Variants in ABRAXAS2 observed in about 807,000 individuals in gnomAD.
ABRAXAS2 encodes abraxas 2, BRISC complex subunit.
In ABRAXAS2, 23 loss-of-function variants were observed where a neutral mutation model predicts 49.0. That is an observed-to-expected ratio of 0.47 (90% CI 0.34 to 0.66). The LOEUF is 0.66. Among genes scored for constraint, ABRAXAS2 ranks in the 30% least tolerant of loss-of-function variants. The pLI is 0.01. For synonymous variants in ABRAXAS2, 168 were observed against 180.2 expected (o/e 0.93, Z 0.54); for missense variants, 443 against 511.9 (o/e 0.87, Z 1.30).
At position 124,831,840 on chromosome 10, in the gene ABRAXAS2, G is replaced by GTATTT. The variant is rs1564925948; in HGVS notation, c.778+378_778+379insATTTT. On this transcript the variant is annotated intron_variant, in intron 8 of 8. Transcript: ENST00000298492. ...GTCCAGCAGGTAGGCACTGTGTCCTGTCTTTTTTTTTTTTTTTTTTTTTTT... is the reference window on the plus strand; with the variant it reads ...GTCCAGCAGGTAGGCACTGTGTCCTGTATTTTCTTTTTTTTTTTTTTTTTTTTTTT... 4.7e-5 allele frequency among the ~76,000 whole-genome samples: 5 copies of GTATTT among 106,208 alleles called. 1 individual carries two copies. Among genetic ancestry groups the GTATTT allele is most frequent in the Non-Finnish European group, 5.5e-5 (3 of 54,864 alleles). The allele number at this position is 106,208 out of a possible 152,430, so 69.7% of individuals were successfully genotyped here. A position where few individuals can be genotyped will look rare whatever the true frequency, so the allele number is the denominator to read the frequency against.
chr10:124,815,160 C>T (rs987828709), intron 2 of ABRAXAS2: 3 of 151,800 alleles, frequency 2.0e-5, no homozygotes, highest in African/African-American at 7.3e-5. Flanking sequence ...ACAGAAGCTA[C>T]TGGGCCTAGT....
intron 2 of ABRAXAS2, among the ~76,000 whole-genome samples, chr10:124,807,749 A>G (rs1164088185): frequency 6.6e-6 from 1 of 152,180 alleles, no homozygotes; most frequent in Non-Finnish European, 1.5e-5. Flanking sequence ...TTACCCACCA[A>G]TGGGGGTGAC....
At chr10:124,807,471 G>A (rs1950753653) in intron 2 of ABRAXAS2, among the ~76,000 whole-genome samples, 3 of 149,564 alleles carry the variant, frequency 2.0e-5, no homozygotes, top group South Asian at 4.3e-4. Flanking sequence ...TGGCCCACAT[G>A]GTGAAACCCC....
chr10:124,827,325 AT>A (rs1447025646), intron 5 of ABRAXAS2, among the ~76,000 whole-genome samples: 2 of 151,458 alleles, frequency 1.3e-5, no homozygotes, highest in African/African-American at 4.8e-5. Flanking sequence ...ATGCTGGCTA[AT>A]TTTTTTGTAT....
chr10:124,820,543 G>A (rs558550798), intron 4 of ABRAXAS2, among the ~76,000 whole-genome samples: 3 of 151,818 alleles, frequency 2.0e-5, no homozygotes, highest in Non-Finnish European at 2.9e-5. Flanking sequence ...GTGCAGTGGC[G>A]CGATCTCGGC....
chr10:124,828,947 G>A, intron 6 of ABRAXAS2, 72 bp downstream of exon 6: 1 of 1,513,902 alleles, frequency 6.6e-7, no homozygotes, highest in East Asian at 2.3e-5. Flanking sequence ...CATTTAAAAG[G>A]TGTATGGAAA....
At chr10:124,820,615 G>A (rs1423727356) in intron 4 of ABRAXAS2, among the ~76,000 whole-genome samples, 1 of 151,910 alleles carries the variant, frequency 6.6e-6, no homozygotes, top group Non-Finnish European at 1.5e-5. Context: ...CTGAGTAGCT[G>A]GGACTACAGG....
chr10:124,810,805 T>C (rs1950781943), intron 2 of ABRAXAS2, among the ~76,000 whole-genome samples: 2 of 151,430 alleles, frequency 1.3e-5, no homozygotes, highest in South Asian at 4.2e-4. Context: ...ATGGTCTCGA[T>C]CTCTTGACCT....
chr10:124,822,381 C>A (rs1950867058), intron 4 of ABRAXAS2, among the ~76,000 whole-genome samples: 1 of 152,100 alleles, frequency 6.6e-6, no homozygotes, highest in South Asian at 2.1e-4. Context: ...GCTAGTCAGA[C>A]TTGGGAAAGG....
At position 124,828,810 on chromosome 10, in the gene ABRAXAS2, A is replaced by G; in HGVS notation, c.513A>G (p.Gln171=). 6.2e-7 allele frequency: 1 copy of G among 1,613,744 alleles called. No homozygotes were observed. The highest frequency in any genetic ancestry group is 8.5e-7 in the Non-Finnish European group (1 of 1,179,646). ...CCAATCTAGGAAATACTAGCCAGCA[A>G]GAGTACAAAGTGTCTTCAGTGCCAA... The part of the protein sequence containing the change: ...AIPNLGNTSQ[Q]EYKVSSVPNT... Residue 171 remains glutamine (Q), a synonymous_variant, in exon 6 of 9, where the codon CAA becomes CAG. Coordinates refer to ENST00000298492, the MANE Select transcript of ABRAXAS2 (RefSeq NM_032182.4).
intron 4 of ABRAXAS2, among the ~76,000 whole-genome samples, chr10:124,824,162 A>G (rs1254759326): frequency 6.6e-6 from 1 of 152,126 alleles, no homozygotes; most frequent in African/African-American, 2.4e-5. Flanking sequence ...TTGGCCTCCC[A>G]AAGTGCTTGG....
rs1362871767 is a variant in ABRAXAS2, at chr10:124,831,840, GTCT to G, written c.778+379_778+381del. On this transcript the variant is annotated intron_variant, in intron 8 of 8. Transcript: ENST00000298492. Reference sequence around the variant, plus strand: ...GTCCAGCAGGTAGGCACTGTGTCCTGTCTTTTTTTTTTTTTTTTTTTTTTTTTT... The same window carrying G: ...GTCCAGCAGGTAGGCACTGTGTCCTGTTTTTTTTTTTTTTTTTTTTTTTTT... 7.1e-4 allele frequency among the ~76,000 whole-genome samples: 75 copies of G among 106,212 alleles called. 1 individual carries two copies. Among genetic ancestry groups the G allele is most frequent in the Middle Eastern group, 0.011 (2 of 184 alleles). 69.7% of individuals were successfully genotyped at this position (106,212 alleles called of 152,430 possible). A position where few individuals can be genotyped will look rare whatever the true frequency, so the allele number is the denominator to read the frequency against.
At chr10:124,827,507 A>G (rs1256713087) in intron 5 of ABRAXAS2, among the ~76,000 whole-genome samples, 1 of 152,080 alleles carries the variant, frequency 6.6e-6, no homozygotes, top group East Asian at 1.9e-4. Flanking sequence ...CTTGTCAGTT[A>G]TTTACATAAA....
At position 124,816,588 on chromosome 10, in the gene ABRAXAS2, A is replaced by G. The variant is rs1950826539; in HGVS notation, c.176A>G (p.His59Arg). 1.2e-6 allele frequency: 2 copies of G among 1,602,552 alleles called. No individual in the cohort carries two copies. The highest frequency in any genetic ancestry group is 1.7e-6 in the Non-Finnish European group (2 of 1,170,166). ...TTTCTAATTACAGAAATCCATAACC[A>G]TCAGCCTTGTTCAAAACTTTTTAGG... ...EFLQVIEIHNHQPCSKLFSFY... is the reference protein window; with the variant it reads ...EFLQVIEIHNRQPCSKLFSFY... Residue 59 changes from histidine (H) to arginine (R), a missense_variant, in exon 3 of 9, where the codon CAT becomes CGT. Transcript: ENST00000298492.
Position 124,826,479 on chromosome 10 carries a change from A to G in ABRAXAS2, c.268-116A>G. 4.1e-6 allele frequency: 4 copies of G among 978,646 alleles called. No individual in the cohort carries two copies. The South Asian group carries it at 4.8e-5, about 12-fold the overall frequency. The allele number at this position is 978,646 out of a possible 1,614,324, so 60.6% of individuals were successfully genotyped here. Reference sequence around the variant, plus strand: ...TGCTCATGGACGCTTGGGTTGTTCCAGGGTGGGGCTTTTGCACATAAAGCT... The same window carrying G: ...TGCTCATGGACGCTTGGGTTGTTCCGGGGTGGGGCTTTTGCACATAAAGCT... On this transcript the variant is annotated intron_variant, in intron 4 of 8. Transcript: ENST00000298492.
In ABRAXAS2 at chr10:124,829,396, T is replaced by C. The variant is rs376317263; in HGVS notation, c.582T>C (p.Thr194=). Reference sequence around the variant, plus strand: ...CTTTTTTCTGTTTGTCTTCCAGTACTGACTTTTTTGACAAGGATGGAGTGA... The same window carrying C: ...CTTTTTTCTGTTTGTCTTCCAGTACCGACTTTTTTGACAAGGATGGAGTGA... ...SYAKVIKEHG[T]DFFDKDGVMK... Residue 194 remains threonine, a synonymous_variant, in exon 7 of 9, where the codon ACT becomes ACC. Transcript: ENST00000298492. The C allele has an allele frequency of 1.9e-6, 3 of 1,606,458 alleles. No homozygotes were observed. Among genetic ancestry groups the C allele is most frequent in the African/African-American group, 1.3e-5 (1 of 74,796 alleles).
intron 2 of ABRAXAS2, among the ~76,000 whole-genome samples, chr10:124,811,190 C>G (rs759365805): frequency 6.6e-6 from 1 of 151,694 alleles, no homozygotes. Context: ...CCAGCCTGGG[C>G]GACAGAGCAA....
In ABRAXAS2 at chr10:124,834,809, A is replaced by G; in HGVS notation, c.1086A>G (p.Gln362=). Residue 362 remains glutamine, a synonymous_variant, in exon 9 of 9, where the codon CAA becomes CAG. Coordinates refer to ENST00000298492, the MANE Select transcript of ABRAXAS2 (RefSeq NM_032182.4). ...GTGGGGCTGACCTTCCTCCTCCCCA[A>G]AGAGCAGCTGGAGACAGTGGTGAGG... is the stretch of plus-strand genomic sequence containing the variant. The part of the protein sequence containing the change: ...PGSGADLPPP[Q]RAAGDSGEDS... 4.3e-6 allele frequency: 7 copies of G among 1,614,150 alleles called. No homozygotes were observed. The highest frequency in any genetic ancestry group is 1.1e-5 in the South Asian group (1 of 91,084).
intron 4 of ABRAXAS2, among the ~76,000 whole-genome samples, chr10:124,824,299 G>A (rs1250026356): frequency 1.3e-5 from 2 of 152,172 alleles, no homozygotes; most frequent in Non-Finnish European, 2.9e-5. Flanking sequence ...ACTTTGGGAG[G>A]CCGAGGCTGG....
Sources: gnomAD v4.1 joint callset for allele counts (sites outside exome capture counted in the v4.1 genomes callset) on GRCh38, gnomAD v4.1.1 for gene constraint, MANE v1.5 for transcripts, NCBI Gene and HGNC (gene_info 2026-07-23, HGNC 2026-07-21) for gene names.